Variants in SP140L observed in about 807,000 individuals in gnomAD.
SP140L encodes the protein nuclear body protein SP140-like protein.
A neutral mutation model predicts 84.3 loss-of-function variants in SP140L; 64 were observed. The observed-to-expected ratio is 0.76, with a 90% confidence interval of 0.62 to 0.94. The LOEUF is 0.94. Ranked by LOEUF, SP140L falls within the 40% of genes least tolerant of loss-of-function variation. The probability of loss-of-function intolerance (pLI) is 0.00; values close to 1 mark genes in which losing one functional copy is unlikely to be tolerated. For synonymous variants in SP140L, 242 were observed against 236.9 expected, an observed-to-expected ratio of 1.02 and a Z score of -0.20; for missense variants, 628 against 692.5, an observed-to-expected ratio of 0.91 and a Z score of 1.05.
At chr2:230,370,882 G>A (rs751896186) in intron 5 of SP140L, 26 bp from the exon 6 acceptor site, 1 of 1,610,080 alleles carries the variant, frequency 6.2e-7, no homozygotes, top group African/African-American at 1.3e-5. Flanking sequence ...AAAATGAGAA[G>A]TGTTCCTATG....
chr2:230,339,366 G>A (rs1412925183), intron 2 of SP140L, among the ~76,000 whole-genome samples: 256 of 151,448 alleles, frequency 1.7e-3, no homozygotes, highest in African/African-American at 5.6e-3. Context: ...TTTTTATTGC[G>A]TCTATTTGAT....
In SP140L at chr2:230,392,168, G is replaced by A. The variant is rs1173776677; in HGVS notation, c.1046G>A (p.Arg349Lys). ...TTTGAAATCAAAGGAGGCTACGCAAGATCAAAGAACTGGAGGCTGAGTGTG... is the reference window on the plus strand; with the variant it reads ...TTTGAAATCAAAGGAGGCTACGCAAAATCAAAGAACTGGAGGCTGAGTGTG... ...MEFEIKGGYA[R>K]SKNWRLSVRC... The change falls in exon 12 of 19, where the codon AGA becomes AAA. Residue 349 changes from arginine (R) to lysine (K), a missense_variant. This residue lies in a region of SP140L where 525 missense variants were observed against 518.4 expected (regional missense o/e 1.01). Transcript: ENST00000415673. The A allele has an allele frequency of 6.2e-7, 1 of 1,614,132 alleles. No individual in the cohort carries two copies. Among genetic ancestry groups the A allele is most frequent in the Non-Finnish European group, 8.5e-7 (1 of 1,179,964 alleles).
intron 8 of SP140L, 105 bp from the exon 9 acceptor site, chr2:230,385,119 G>C: frequency 9.4e-7 from 1 of 1,067,310 alleles, no homozygotes; most frequent in Non-Finnish European, 1.4e-6. Context: ...CCTGCTCGAG[G>C]GGATCCAGAG....
At chr2:230,394,990 A>AT (rs149521097) in intron 13 of SP140L, among the ~76,000 whole-genome samples, 63,041 of 149,724 alleles carry the variant, frequency 0.42, 13,626 homozygotes, top group South Asian at 0.62. Context: ...GACTCCAGTA[A>AT]TTTTTTTTTT....
At chr2:230,327,890 CA>C (rs2059622567) in intron 1 of SP140L, among the ~76,000 whole-genome samples, 1 of 151,996 alleles carries the variant, frequency 6.6e-6, no homozygotes, top group African/African-American at 2.4e-5. Flanking sequence ...GACCTTGATC[CA>C]AAGAAGGAAA....
chr2:230,401,993 G>A (rs538022605), intron 18 of SP140L, among the ~76,000 whole-genome samples, 186 bp downstream of exon 18: 1 of 152,156 alleles, frequency 6.6e-6, no homozygotes, highest in Non-Finnish European at 1.5e-5. Context: ...ATCAAAAGGT[G>A]TCCCTGCAAC....
chr2:230,371,821 T>G, intron 7 of SP140L, 170 bp downstream of exon 7: 1 of 640,190 alleles, frequency 1.6e-6, no homozygotes, highest in Non-Finnish European at 2.8e-6. Flanking sequence ...ACCTGTAATC[T>G]GCTATCTTAC....
At chr2:230,345,701 C>A (rs1394797402) in intron 2 of SP140L, among the ~76,000 whole-genome samples, 1 of 151,366 alleles carries the variant, frequency 6.6e-6, no homozygotes, top group African/African-American at 2.4e-5. Flanking sequence ...CATAAAATAT[C>A]TTATAGCTAT....
intron 5 of SP140L, among the ~76,000 whole-genome samples, chr2:230,367,710 G>A (rs1406500999): frequency 6.6e-6 from 1 of 152,210 alleles, no homozygotes; most frequent in Non-Finnish European, 1.5e-5. Flanking sequence ...CACTTTGGGA[G>A]GTTAAGGTGG....
At chr2:230,358,447 A>G (rs1442365114) in intron 3 of SP140L, among the ~76,000 whole-genome samples, 1 of 152,196 alleles carries the variant, frequency 6.6e-6, no homozygotes, top group African/African-American at 2.4e-5. Flanking sequence ...GAGTCTTGGA[A>G]TATGAGTAAA....
intron 7 of SP140L, among the ~76,000 whole-genome samples, chr2:230,374,057 T>A (rs1021870187): frequency 2.0e-5 from 3 of 152,224 alleles, no homozygotes; most frequent in Non-Finnish European, 4.4e-5. Context: ...GGTTCCCACC[T>A]GTAATCCCAG....
chr2:230,397,497 G>A (rs1474587687), intron 14 of SP140L, among the ~76,000 whole-genome samples: 1 of 152,084 alleles, frequency 6.6e-6, no homozygotes, highest in Non-Finnish European at 1.5e-5. Flanking sequence ...CTGATCCCCT[G>A]GGCCCCATCC....
At chr2:230,357,681 G>C (rs1018501561) in intron 2 of SP140L, 124 bp from the exon 3 acceptor site, 1 of 922,944 alleles carries the variant, frequency 1.1e-6, no homozygotes, top group East Asian at 2.5e-5. Flanking sequence ...GGGCTCTACT[G>C]AGGACCACCT....
intron 8 of SP140L, among the ~76,000 whole-genome samples, chr2:230,384,165 T>A (rs949510797): frequency 2.6e-5 from 4 of 152,144 alleles, no homozygotes; most frequent in African/African-American, 9.7e-5. Flanking sequence ...TTTAAGTATA[T>A]GTGTTGTATT....
At position 230,328,770 on chromosome 2, in the gene SP140L, G is replaced by A. The variant is rs767807569; in HGVS notation, c.46G>A (p.Gly16Ser). The A allele has an allele frequency of 3.1e-6, 5 of 1,612,394 alleles. No individual in the cohort carries two copies. Among genetic ancestry groups the A allele is most frequent in the Admixed American group, 1.7e-5 (1 of 59,796 alleles). Residue 16 changes from glycine (G) to serine (S), a missense_variant, in exon 2 of 19, where the codon GGT becomes AGT. Physicochemically the swap from Gly to Ser is moderately conservative, Grantham distance 56. Coordinates refer to ENST00000415673, the MANE Select transcript of SP140L (RefSeq NM_138402.6). Reference protein sequence around the residue: ...SDLSTRGLNGGVSQVANEMNH... With the variant: ...SDLSTRGLNGSVSQVANEMNH... ...TTGTCTTTTTAGGGGGCTGAACGGA[G>A]GTGTTTCACAAGTAGCAAATGAGAT...
At position 230,383,580 on chromosome 2, in the gene SP140L, G is replaced by C; in HGVS notation, c.703+5G>C. ...AGAAAAACAACCAACAAAATGGTAA[G>C]CAGGCAAAGTGAAGTAGTTACAGCT... On this transcript the variant is annotated splice_donor_5th_base_variant and intron_variant, in intron 8 of 18. Transcript: ENST00000415673. 1 of 1,598,854 alleles carries C rather than the reference G, an allele frequency of 6.3e-7. No homozygotes were observed. Among genetic ancestry groups the C allele is most frequent in the Non-Finnish European group, 8.5e-7 (1 of 1,172,466 alleles).
chr2:230,400,679 C>A, intron 15 of SP140L: 3 of 667,156 alleles, frequency 4.5e-6, no homozygotes, highest in Non-Finnish European at 5.0e-6. Flanking sequence ...GCAGGCAGGA[C>A]TCCTTGTGCT....
At chr2:230,394,082 G>A (rs973750817) in intron 13 of SP140L, among the ~76,000 whole-genome samples, 9 of 152,188 alleles carry the variant, frequency 5.9e-5, no homozygotes, top group Admixed American at 5.9e-4. Context: ...CCATTGGGGA[G>A]GAAGATCTCC....
intron 5 of SP140L, among the ~76,000 whole-genome samples, chr2:230,370,302 A>T (rs1412967518): frequency 6.6e-6 from 1 of 152,124 alleles, no homozygotes; most frequent in African/African-American, 2.4e-5. Flanking sequence ...AGTGTCCAGC[A>T]TCACAGCACT....
Sources: gnomAD v4.1 joint callset for allele counts (sites outside exome capture counted in the v4.1 genomes callset) on GRCh38, gnomAD v4.1.1 for gene constraint, gnomAD v4.1.1 regional missense constraint, MANE v1.5 for transcripts, NCBI Gene and HGNC (gene_info 2026-07-23, HGNC 2026-07-21) for gene names.